TTLL9: variants seen among roughly 807,000 people sequenced by gnomAD.
TTLL9 encodes the protein probable tubulin polyglutamylase TTLL9.
Under a neutral mutation model 65.6 loss-of-function variants are expected in TTLL9, and 47 were observed. That is an observed-to-expected ratio of 0.72 (90% CI 0.57 to 0.91). TTLL9 has a LOEUF of 0.91. Among genes scored for constraint, TTLL9 ranks in the 40% least tolerant of loss-of-function variants. TTLL9 has a pLI of 0.00. For missense variants in TTLL9, 537 were observed against 568.8 expected, an observed-to-expected ratio of 0.94 and a Z score of 0.57; for synonymous variants, 179 against 204.8, an observed-to-expected ratio of 0.87 and a Z score of 1.07.
intron 2 of TTLL9, among the ~76,000 whole-genome samples, chr20:31,873,749 G>GAAGAAAGA (rs372535799): frequency 8.7e-5 from 11 of 126,344 alleles, no homozygotes; most frequent in African/African-American, 1.8e-4. Context: ...AGGAAGGAAG[G>GAAGAAAGA]AAGAAAGAAA....
Position 31,944,941 on chromosome 20 carries a change from TAA to T in TTLL9, c.*1922_*1923del, listed in dbSNP as rs893882026. The T allele has an allele frequency of 6.6e-6, 1 of 152,182 alleles. No homozygotes were observed. Among genetic ancestry groups the T allele is most frequent in the Non-Finnish European group, 1.5e-5 (1 of 68,052 alleles). 9.4% of individuals were successfully genotyped at this position (152,182 alleles called of 1,614,324 possible). A position where few individuals can be genotyped will look rare whatever the true frequency, so the allele number is the denominator to read the frequency against. On this transcript the variant is annotated 3_prime_UTR_variant, in exon 15 of 15. Transcript: ENST00000535842. ...TTACTGAAGGACTAGATGAGGCAAA[TAA>T]AGACTAGTTGCTGCTATTCATTCAT...
At chr20:31,891,956 C>A (rs1378617297) in intron 3 of TTLL9, among the ~76,000 whole-genome samples, 2 of 151,954 alleles carry the variant, frequency 1.3e-5, no homozygotes, top group African/African-American at 4.8e-5. Flanking sequence ...GCATGCACCA[C>A]CACATCTAGC....
At chr20:31,936,091 T>A (rs1423556105) in intron 12 of TTLL9, among the ~76,000 whole-genome samples, 1 of 152,208 alleles carries the variant, frequency 6.6e-6, no homozygotes, top group East Asian at 1.9e-4. Context: ...GAAAGGGGCT[T>A]GGTCTCCCAC....
chr20:31,943,812 G>C lies in TTLL9; in HGVS notation c.*791G>C, dbSNP rs1229437253. 1 of 456,696 alleles carries C rather than the reference G, an allele frequency of 2.2e-6. No homozygotes were observed. The highest frequency in any genetic ancestry group is 4.4e-6 in the Non-Finnish European group (1 of 226,976). 28.3% of individuals were successfully genotyped at this position (456,696 alleles called of 1,614,324 possible). A position where few individuals can be genotyped will look rare whatever the true frequency, so the allele number is the denominator to read the frequency against. On this transcript the variant is annotated 3_prime_UTR_variant, in exon 15 of 15. Transcript: ENST00000535842. Reference sequence around the variant, plus strand: ...GCTGAGCCAGAAACCGGAAAACCCTGGGCTCATGGGCAGGACAGCTTCGGG... The same window carrying C: ...GCTGAGCCAGAAACCGGAAAACCCTCGGCTCATGGGCAGGACAGCTTCGGG...
intron 9 of TTLL9, 111 bp downstream of exon 9, chr20:31,925,160 T>G (rs1211129486): frequency 3.4e-6 from 4 of 1,188,964 alleles, no homozygotes; most frequent in Non-Finnish European, 4.9e-6. Flanking sequence ...TCTGGTTTTA[T>G]CTCTCCCTGG....
chr20:31,893,060 G>T (rs1472150463), intron 3 of TTLL9, among the ~76,000 whole-genome samples: 1 of 151,782 alleles, frequency 6.6e-6, no homozygotes, highest in Non-Finnish European at 1.5e-5. Flanking sequence ...TAATTTTCCT[G>T]CAGCCCGAGG....
At chr20:31,886,323 C>T (rs373900052) in intron 2 of TTLL9, among the ~76,000 whole-genome samples, 1 of 152,238 alleles carries the variant, frequency 6.6e-6, no homozygotes, top group Non-Finnish European at 1.5e-5. Context: ...TTCGATTTCT[C>T]TCTTCATACG....
intron 14 of TTLL9, among the ~76,000 whole-genome samples, chr20:31,942,093 T>C (rs2064219949): frequency 6.6e-6 from 1 of 152,146 alleles, no homozygotes; most frequent in Non-Finnish European, 1.5e-5. Flanking sequence ...GGCTCTCAGC[T>C]CAGTGAATGG....
intron 6 of TTLL9, among the ~76,000 whole-genome samples, chr20:31,918,638 C>A (rs926271029): frequency 2.6e-5 from 4 of 152,320 alleles, no homozygotes; most frequent in Non-Finnish European, 5.9e-5. Flanking sequence ...CCTACTTCGG[C>A]CTTCCAGAGT....
intron 10 of TTLL9, among the ~76,000 whole-genome samples, chr20:31,932,161 A>G (rs2064025724): frequency 6.6e-6 from 1 of 152,142 alleles, no homozygotes; most frequent in Admixed American, 6.5e-5. Flanking sequence ...CAACATGTTG[A>G]AACCCTGTCT....
intron 6 of TTLL9, among the ~76,000 whole-genome samples, chr20:31,915,063 A>T (rs2063713557): frequency 6.6e-6 from 1 of 152,286 alleles, no homozygotes. Context: ...GGAGGAGCAT[A>T]AACAATATTT....
chr20:31,917,760 AAG>A (rs963436199), intron 6 of TTLL9, among the ~76,000 whole-genome samples: 24 of 152,238 alleles, frequency 1.6e-4, no homozygotes, highest in African/African-American at 5.8e-4. Flanking sequence ...GAATTAAAGA[AAG>A]AGGAGAGAAA....
intron 2 of TTLL9, among the ~76,000 whole-genome samples, chr20:31,886,316 G>A (rs1291355522): frequency 1.3e-5 from 2 of 152,194 alleles, no homozygotes; most frequent in Non-Finnish European, 2.9e-5. Flanking sequence ...GACCAATTTC[G>A]ATTTCTCTCT....
chr20:31,884,195 C>T (rs2063156015), intron 2 of TTLL9: 1 of 414,732 alleles, frequency 2.4e-6, no homozygotes, highest in Non-Finnish European at 4.4e-6. Flanking sequence ...CTTTTTAAAG[C>T]ACTAACTTAT....
chr20:31,920,229 GCACACA>G (rs3046855), intron 7 of TTLL9, among the ~76,000 whole-genome samples: 2 of 150,424 alleles, frequency 1.3e-5, no homozygotes, highest in African/African-American at 4.9e-5. Flanking sequence ...GCAAACACGC[GCACACA>G]CACACACACA....
At chr20:31,888,242 T>A (rs548039633) in intron 3 of TTLL9, among the ~76,000 whole-genome samples, 7 of 152,134 alleles carry the variant, frequency 4.6e-5, no homozygotes, top group Non-Finnish European at 1.0e-4. Context: ...GGAGGGCATG[T>A]GTGATTTGAG....
Position 31,902,935 on chromosome 20 carries a change from C to CCAACTA in TTLL9, c.206+4375_206+4380dup, listed in dbSNP as rs377456581. ...CTGGAGTGCAGTGGTACAATCACAG[C>CCAACTA]CAACTACAACCTTGACCTCCCGCGC... On this transcript the variant is annotated intron_variant, in intron 4 of 14. Transcript: ENST00000535842. Among the ~76,000 whole-genome samples, 603 of 152,242 alleles carry CCAACTA rather than the reference C, an allele frequency of 4.0e-3. 3 individuals carry two copies. The highest frequency in any genetic ancestry group is 0.013 in the African/African-American group (554 of 41,538).
intron 6 of TTLL9, 94 bp from the exon 7 acceptor site, chr20:31,919,770 G>T (rs2063788026): frequency 9.7e-7 from 1 of 1,032,194 alleles, no homozygotes; most frequent in Non-Finnish European, 1.4e-6. Context: ...TAAGGAAAAA[G>T]AGACAGATAT....
intron 10 of TTLL9, among the ~76,000 whole-genome samples, chr20:31,926,581 C>T (rs2063910456): frequency 6.6e-6 from 1 of 152,152 alleles, no homozygotes; most frequent in African/African-American, 2.4e-5. Flanking sequence ...CGGTATAAGA[C>T]AAGACAGGCT....
Sources: allele counts gnomAD v4.1 joint callset (sites outside exome capture counted in the v4.1 genomes callset), GRCh38; gene constraint gnomAD v4.1.1; transcripts MANE v1.5; gene names NCBI Gene and HGNC (gene_info 2026-07-23, HGNC 2026-07-21).